The following CSMD3 variants were observed in gnomAD, a reference collection of about 807,000 sequenced individuals.
The protein encoded by CSMD3 is CUB and Sushi multiple domains 3.
A neutral mutation model predicts 435.2 loss-of-function variants in CSMD3; 177 were observed. The observed-to-expected ratio is 0.41, with a 90% CI of 0.36 to 0.46. CSMD3 has a LOEUF of 0.46. Ranked by LOEUF, CSMD3 falls within the 20% of genes least tolerant of loss-of-function variation. CSMD3 has a pLI of 0.34. For synonymous variants in CSMD3, 1,656 were observed against 1,520.5 expected, an observed-to-expected ratio of 1.09 and a Z score of -2.07; for missense variants, 4,265 against 4,504.6, an observed-to-expected ratio of 0.95 and a Z score of 1.52.
chr8:113,099,037 G>A (rs2090251663), intron 4 of CSMD3, 74 bp from the exon 5 acceptor site: 5 of 936,904 alleles, frequency 5.3e-6, no homozygotes, highest in Admixed American at 1.8e-5. Context: ...AGTAAAGCAA[G>A]TCAATATGTT....
intron 3 of CSMD3, among the ~76,000 whole-genome samples, chr8:113,259,654 T>C (rs1000483849): frequency 6.6e-6 from 1 of 151,988 alleles, no homozygotes; most frequent in African/African-American, 2.4e-5. Flanking sequence ...ACACAAGGAA[T>C]TTAAAGAATA....
intron 5 of CSMD3, among the ~76,000 whole-genome samples, chr8:113,039,044 A>C (rs898740841): frequency 6.6e-6 from 1 of 152,118 alleles, no homozygotes; most frequent in African/African-American, 2.4e-5. Context: ...ATGTATTTTA[A>C]AGCTGATTTT....
At chr8:113,307,505 C>T (rs1462749065) in intron 2 of CSMD3, among the ~76,000 whole-genome samples, 1 of 151,976 alleles carries the variant, frequency 6.6e-6, no homozygotes, top group African/African-American at 2.4e-5. Context: ...AAAGCACTAA[C>T]AAAATATAAT....
intron 50 of CSMD3, among the ~76,000 whole-genome samples, chr8:112,309,950 T>C (rs1180266412): frequency 6.6e-6 from 1 of 152,190 alleles, no homozygotes; most frequent in East Asian, 1.9e-4. Context: ...GTAAGACTTC[T>C]TGTTTATTAA....
chr8:113,135,612 G>A (rs2091398971), intron 4 of CSMD3, among the ~76,000 whole-genome samples: 1 of 151,620 alleles, frequency 6.6e-6, no homozygotes, highest in South Asian at 2.1e-4. Flanking sequence ...TTTAAAATAT[G>A]TATTATTTAA....
chr8:113,033,582 T>TTTTTGC (rs1253751436), intron 5 of CSMD3, among the ~76,000 whole-genome samples: 58 of 151,004 alleles, frequency 3.8e-4, no homozygotes, highest in African/African-American at 5.1e-4. Flanking sequence ...TTTTTTTTTT[T>TTTTTGC]TTTTGCTTTT....
intron 13 of CSMD3, among the ~76,000 whole-genome samples, chr8:112,790,515 T>C (rs1043697487): frequency 6.6e-6 from 1 of 152,240 alleles, no homozygotes; most frequent in East Asian, 1.9e-4. Context: ...TTTCACTTTG[T>C]ACAACTTTGC....
chr8:112,429,400 T>C (rs1181973729), intron 32 of CSMD3, among the ~76,000 whole-genome samples: 2 of 152,072 alleles, frequency 1.3e-5, no homozygotes, highest in African/African-American at 4.8e-5. Context: ...CTGTGCTTCA[T>C]GTTGCATGTG....
At chr8:113,150,756 A>G (rs2091787035) in intron 4 of CSMD3, among the ~76,000 whole-genome samples, 1 of 152,144 alleles carries the variant, frequency 6.6e-6, no homozygotes, top group Non-Finnish European at 1.5e-5. Flanking sequence ...CATTACCACT[A>G]TATGTATTAA....
intron 13 of CSMD3, among the ~76,000 whole-genome samples, chr8:112,739,749 G>A (rs185850743): frequency 6.6e-6 from 1 of 151,790 alleles, no homozygotes; most frequent in East Asian, 1.9e-4. Context: ...TATATGTATT[G>A]TATAGCATTG....
chr8:112,297,249 CAA>C (rs10551780), intron 53 of CSMD3, among the ~76,000 whole-genome samples: 4,930 of 115,768 alleles, frequency 0.043, 85 homozygotes, highest in Non-Finnish European at 0.05. Context: ...AGTAAAGCCT[CAA>C]AAAAAAAAAA....
chr8:112,830,461 C>T (rs2079836953), intron 11 of CSMD3, among the ~76,000 whole-genome samples: 1 of 151,878 alleles, frequency 6.6e-6, no homozygotes, highest in Admixed American at 6.6e-5. Context: ...TGTTTATATA[C>T]CTATGCAAAA....
chr8:113,238,916 C>T (rs2093180364), intron 3 of CSMD3, among the ~76,000 whole-genome samples: 1 of 152,104 alleles, frequency 6.6e-6, no homozygotes, highest in African/African-American at 2.4e-5. Flanking sequence ...CTTGGTCAAA[C>T]ATTATTCTGT....
rs2130838985 is a variant in CSMD3, at chr8:112,314,631, A to G, written c.7361-14T>C. ...CAGGACAGAGCACTGTCAAAGAAAAATGTCATTAAATAATGCCAGTCTTTT... is the reference window on the plus strand; with the variant it reads ...CAGGACAGAGCACTGTCAAAGAAAAGTGTCATTAAATAATGCCAGTCTTTT... On this transcript the variant is annotated splice_polypyrimidine_tract_variant and intron_variant, in intron 47 of 70. Transcript: ENST00000297405. 6.3e-7 allele frequency: 1 copy of G among 1,592,254 alleles called. No homozygotes were observed. The highest frequency in any genetic ancestry group is 2.2e-5 in the East Asian group (1 of 44,644).
intron 2 of CSMD3, among the ~76,000 whole-genome samples, chr8:113,307,162 A>T (rs1401282835): frequency 1.3e-5 from 2 of 152,132 alleles, no homozygotes; most frequent in African/African-American, 4.8e-5. Context: ...AGAAATACAG[A>T]TAAAAAATAA....
intron 2 of CSMD3, among the ~76,000 whole-genome samples, chr8:113,302,397 A>G (rs2093779890): frequency 6.7e-6 from 1 of 148,820 alleles, no homozygotes; most frequent in African/African-American, 2.5e-5. Flanking sequence ...GAATAGCCTG[A>G]CAGAGTATGT....
At chr8:113,041,443 C>A (rs891556611) in intron 5 of CSMD3, among the ~76,000 whole-genome samples, 1 of 152,056 alleles carries the variant, frequency 6.6e-6, no homozygotes, top group African/African-American at 2.4e-5. Context: ...TCCTCAATTT[C>A]TCCCTACCTT....
At chr8:113,355,759 C>CAT (rs2132945383) in intron 1 of CSMD3, among the ~76,000 whole-genome samples, 1 of 99,132 alleles carries the variant, frequency 1.0e-5, no homozygotes, top group East Asian at 6.3e-4. Flanking sequence ...TACACACACA[C>CAT]ACACACACGG....
At chr8:112,391,700 A>AG (rs1340437254) in intron 35 of CSMD3, among the ~76,000 whole-genome samples, 1 of 151,880 alleles carries the variant, frequency 6.6e-6, no homozygotes, top group Admixed American at 6.6e-5. Flanking sequence ...TCAAAAAAAA[A>AG]AAAAGATGAA....
Sources: allele counts gnomAD v4.1 joint callset (sites outside exome capture counted in the v4.1 genomes callset), GRCh38; gene constraint gnomAD v4.1.1; transcripts MANE v1.5; gene names NCBI Gene and HGNC (gene_info 2026-07-23, HGNC 2026-07-21).